The following LRRC28 variants were observed in gnomAD, a reference collection of about 807,000 sequenced individuals.
The protein encoded by LRRC28 is leucine rich repeat containing 28.
A neutral mutation model predicts 45.7 loss-of-function variants in LRRC28; 39 were observed. The observed-to-expected ratio is 0.85, with a 90% CI of 0.66 to 1.12. The LOEUF is 1.12. LRRC28 is among the 50% of genes most tolerant of loss of function. LRRC28 has a pLI of 0.00. For missense variants in LRRC28, 435 were observed against 438.5 expected, an observed-to-expected ratio of 0.99 and a Z score of 0.07; for synonymous variants, 206 against 178.8, an observed-to-expected ratio of 1.15 and a Z score of -1.22.
At chr15:99,297,911 G>A (rs2082306438) in intron 5 of LRRC28, among the ~76,000 whole-genome samples, 2 of 151,976 alleles carry the variant, frequency 1.3e-5, no homozygotes, top group Admixed American at 1.3e-4. Context: ...AAGAAAAAAG[G>A]TTTTGTTTTC....
rs548682800 is a variant in LRRC28 at position 99,274,432 on chromosome 15, T to G, written c.169-2144T>G. Among the ~76,000 whole-genome samples, 3 of 152,344 alleles carry G rather than the reference T, an allele frequency of 2.0e-5. No homozygotes were observed. The South Asian group carries it at 6.2e-4, about 32-fold the overall frequency. On this transcript the variant is annotated intron_variant, in intron 2 of 9. Coordinates refer to ENST00000301981, the MANE Select transcript of LRRC28 (RefSeq NM_144598.5). The stretch of plus-strand genomic sequence containing the variant: ...TTTAGTGTTCTGTTCCTTGCCATTC[T>G]CTGTAAAATCTCACATCTTCATACC...
chr15:99,371,559 T>C (rs2152333640), intron 9 of LRRC28, among the ~76,000 whole-genome samples: 1 of 152,378 alleles, frequency 6.6e-6, no homozygotes, highest in African/African-American at 2.4e-5. Context: ...TCCTCACTTA[T>C]GAAATGTTTC....
chr15:99,307,133 T>TGA (rs5814932), intron 5 of LRRC28, among the ~76,000 whole-genome samples: 14,729 of 152,154 alleles, frequency 0.097, 1,014 homozygotes, highest in East Asian at 0.33. Context: ...ATGTTTTCAT[T>TGA]GAGAGAGAGA....
chr15:99,313,232 T>A (rs1267507639), intron 5 of LRRC28, among the ~76,000 whole-genome samples: 4 of 151,948 alleles, frequency 2.6e-5, no homozygotes, highest in African/African-American at 9.7e-5. Context: ...TGGGAAGATA[T>A]AAGAATTATA....
intron 6 of LRRC28, 63 bp downstream of exon 6, chr15:99,334,192 A>G (rs1236819516): frequency 1.9e-6 from 3 of 1,563,118 alleles, no homozygotes; most frequent in Admixed American, 3.4e-5. Context: ...TGTTTCTTTG[A>G]CTAGAACCAA....
intron 6 of LRRC28, chr15:99,337,872 A>C (rs536526978): frequency 2.9e-4 from 44 of 152,554 alleles, no homozygotes; most frequent in African/African-American, 9.6e-4. Flanking sequence ...GCATACAAGC[A>C]AGAGGATGAT....
chr15:99,260,829 T>C (rs1407986205), intron 2 of LRRC28, among the ~76,000 whole-genome samples: 1 of 152,256 alleles, frequency 6.6e-6, no homozygotes, highest in African/African-American at 2.4e-5. Context: ...GAATATGTTA[T>C]TGCTTAATTG....
intron 6 of LRRC28, among the ~76,000 whole-genome samples, chr15:99,344,138 A>G (rs1048776637): frequency 1.3e-5 from 2 of 152,218 alleles, no homozygotes; most frequent in African/African-American, 4.8e-5. Flanking sequence ...CAGAAGCAAG[A>G]GGTAAAAGAC....
chr15:99,352,250 A>T, intron 6 of LRRC28, 119 bp from the exon 7 acceptor site: 1 of 712,418 alleles, frequency 1.4e-6, no homozygotes, highest in African/African-American at 1.8e-5. Flanking sequence ...AACACTTTTT[A>T]TGGTTTTCTT....
Position 99,255,329 on chromosome 15 carries a change from C to T in LRRC28, c.-60-569C>T, listed in dbSNP as rs1385990398. 2.6e-5 allele frequency among the ~76,000 whole-genome samples: 4 copies of T among 151,598 alleles called. No individual in the cohort carries two copies. In the East Asian group the frequency reaches 7.8e-4, roughly 29 times the overall value. Reference sequence around the variant, plus strand: ...CTATGATTGAGTCACTGCGCCCCAGCCTGGGCAACAGAGTGAGACCCTGTC... The same window carrying T: ...CTATGATTGAGTCACTGCGCCCCAGTCTGGGCAACAGAGTGAGACCCTGTC... On this transcript the variant is annotated intron_variant, in intron 1 of 9. Coordinates refer to ENST00000301981, the MANE Select transcript of LRRC28 (RefSeq NM_144598.5).
At chr15:99,361,266 A>T in intron 7 of LRRC28, 70 bp from the exon 8 acceptor site, 1 of 1,499,636 alleles carries the variant, frequency 6.7e-7, no homozygotes, top group Non-Finnish European at 8.9e-7. Context: ...ATTTTGATTA[A>T]CACATTTTAT....
chr15:99,258,156 C>T, intron 2 of LRRC28: 1 of 1,612,474 alleles, frequency 6.2e-7, no homozygotes, highest in Admixed American at 1.7e-5. Context: ...AACAAAATGA[C>T]TGAAGCACAG....
chr15:99,378,543 C>G (rs1370816857), intron 9 of LRRC28, among the ~76,000 whole-genome samples: 1 of 152,164 alleles, frequency 6.6e-6, no homozygotes, highest in African/African-American at 2.4e-5. Context: ...ATTTCTCCTG[C>G]CTGATTGCCC....
intron 5 of LRRC28, among the ~76,000 whole-genome samples, chr15:99,288,734 C>T (rs1304116157): frequency 6.6e-6 from 1 of 151,804 alleles, no homozygotes; most frequent in African/African-American, 2.4e-5. Context: ...GGCTCTAGTG[C>T]AGTGGCGTGA....
chr15:99,253,978 G>C (rs2080942771), intron 1 of LRRC28, among the ~76,000 whole-genome samples: 6 of 152,232 alleles, frequency 3.9e-5, no homozygotes, highest in Admixed American at 3.9e-4. Flanking sequence ...CATTTACTGA[G>C]ATGGGAAAAA....
intron 6 of LRRC28, among the ~76,000 whole-genome samples, chr15:99,339,195 TC>T (rs1266237681): frequency 6.6e-6 from 1 of 152,254 alleles, no homozygotes; most frequent in Non-Finnish European, 1.5e-5. Context: ...CTTCTGGTTT[TC>T]ATTGCATAAT....
At chr15:99,341,454 G>A (rs1286500483) in intron 6 of LRRC28, among the ~76,000 whole-genome samples, 1 of 152,098 alleles carries the variant, frequency 6.6e-6, no homozygotes. Context: ...TTGCTCTTGT[G>A]TTAGGTTTTC....
chr15:99,328,071 C>T (rs910042624), intron 5 of LRRC28, among the ~76,000 whole-genome samples: 8 of 152,190 alleles, frequency 5.3e-5, no homozygotes, highest in African/African-American at 1.9e-4. Context: ...GGTCAGAGAA[C>T]ATACTTTGTA....
chr15:99,289,344 TTGTC>T (rs1397407887), intron 5 of LRRC28, among the ~76,000 whole-genome samples: 1 of 152,234 alleles, frequency 6.6e-6, no homozygotes, highest in Non-Finnish European at 1.5e-5. Flanking sequence ...AGATGTTAAT[TTGTC>T]TGAGATTATT....
Sources: gnomAD v4.1 joint callset for allele counts (sites outside exome capture counted in the v4.1 genomes callset) on GRCh38, gnomAD v4.1.1 for gene constraint, MANE v1.5 for transcripts, NCBI Gene and HGNC (gene_info 2026-07-23, HGNC 2026-07-21) for gene names.